The following DAP3 variants were observed in gnomAD, a reference collection of about 807,000 sequenced individuals.
DAP3 encodes small ribosomal subunit protein mS29.
DAP3 carries 28 observed loss-of-function variants against 51.9 expected under a neutral mutation model. The ratio of observed to expected loss-of-function variants is 0.54; its 90% CI spans 0.40 to 0.74. The LOEUF (loss-of-function observed/expected upper bound fraction) is 0.74. Among genes scored for constraint, DAP3 ranks in the 30% least tolerant of loss-of-function variants. DAP3 has a pLI of 0.00. For synonymous variants in DAP3, 170 were observed against 170.3 expected (o/e 1.00, Z 0.01); for missense variants, 458 against 483.5 (o/e 0.95, Z 0.49).
chr1:155,732,646 A>T (rs1488962468), intron 11 of DAP3, among the ~76,000 whole-genome samples: 6 of 152,080 alleles, frequency 3.9e-5, no homozygotes, highest in Non-Finnish European at 8.8e-5. Context: ...ACTTTTACCT[A>T]ATTGGTGGGA....
intron 3 of DAP3, among the ~76,000 whole-genome samples, chr1:155,719,609 C>T (rs1657756258): frequency 6.6e-6 from 1 of 151,790 alleles, no homozygotes; most frequent in Non-Finnish European, 1.5e-5. Flanking sequence ...AGTGCAGTGG[C>T]GTGATCTTGG....
chr1:155,709,580 T>C (rs1656439146), intron 1 of DAP3, among the ~76,000 whole-genome samples, 193 bp from the exon 2 acceptor site: 1 of 152,228 alleles, frequency 6.6e-6, no homozygotes. Context: ...ACTAGCCTTT[T>C]GTGTTTCGTT....
chr1:155,691,192 C>G (rs1653781711), intron 1 of DAP3, among the ~76,000 whole-genome samples: 1 of 142,122 alleles, frequency 7.0e-6, no homozygotes. Flanking sequence ...CAGGCGTGAG[C>G]CACCATGCCC....
intron 1 of DAP3, among the ~76,000 whole-genome samples, chr1:155,708,789 C>T (rs1279605098): frequency 6.6e-6 from 1 of 150,652 alleles, no homozygotes; most frequent in Non-Finnish European, 1.5e-5. Flanking sequence ...ACTGTAAGCT[C>T]CGCCTCCCAG....
chr1:155,736,726 T>G (rs768704072), intron 11 of DAP3: 21 of 517,910 alleles, frequency 4.1e-5, no homozygotes, highest in Non-Finnish European at 6.9e-5. Flanking sequence ...CACCTCTTTT[T>G]AATATATAGC....
chr1:155,709,123 CA>C (rs1329512660), intron 1 of DAP3: 1 of 151,870 alleles, frequency 6.6e-6, no homozygotes, highest in African/African-American at 2.4e-5. Flanking sequence ...GCTGGGATTA[CA>C]GGTATGAGCC....
At chr1:155,724,182 G>A (rs1658310751) in intron 4 of DAP3, among the ~76,000 whole-genome samples, 1 of 151,988 alleles carries the variant, frequency 6.6e-6, no homozygotes, top group Non-Finnish European at 1.5e-5. Flanking sequence ...TCCCACCAAA[G>A]TATTCTGGTA....
chr1:155,704,750 C>A (rs996288373), intron 1 of DAP3, among the ~76,000 whole-genome samples: 5 of 151,926 alleles, frequency 3.3e-5, no homozygotes. Flanking sequence ...GGGGCTGAGG[C>A]GGGAGGATCA....
chr1:155,715,543 AGAG>A (rs1657236712), intron 2 of DAP3, among the ~76,000 whole-genome samples: 1 of 151,312 alleles, frequency 6.6e-6, no homozygotes, highest in African/African-American at 2.4e-5. Context: ...AGAGAGAGAG[AGAG>A]AGAAGCTGCT....
intron 2 of DAP3, among the ~76,000 whole-genome samples, chr1:155,715,873 T>A (rs1352204001): frequency 6.6e-6 from 1 of 152,202 alleles, no homozygotes; most frequent in East Asian, 1.9e-4. Flanking sequence ...AGCTGTGTAT[T>A]TGACATACTC....
At chr1:155,705,836 G>C (rs1211396894) in intron 1 of DAP3, among the ~76,000 whole-genome samples, 1 of 151,888 alleles carries the variant, frequency 6.6e-6, no homozygotes, top group Non-Finnish European at 1.5e-5. Flanking sequence ...GAGTAGCTGG[G>C]AAAACAGACA....
intron 4 of DAP3, among the ~76,000 whole-genome samples, chr1:155,722,382 G>C (rs1288709221): frequency 6.6e-6 from 1 of 151,990 alleles, no homozygotes; most frequent in East Asian, 1.9e-4. Context: ...ACCCCAGCCT[G>C]GGCAACAGAG....
At chr1:155,702,167 A>AAAG (rs1553314749) in intron 1 of DAP3, among the ~76,000 whole-genome samples, 22 of 148,782 alleles carry the variant, frequency 1.5e-4, no homozygotes, top group African/African-American at 5.1e-4. Flanking sequence ...AAAAAAAAAA[A>AAAG]AAAGAAAATT....
chr1:155,702,151 T>TAAAAAAA (rs71080722), intron 1 of DAP3, among the ~76,000 whole-genome samples: 4 of 101,668 alleles, frequency 3.9e-5, no homozygotes, highest in African/African-American at 4.0e-5. Flanking sequence ...ATTCTGCCTA[T>TAAAAAAA]AAAAAAAAAA....
intron 11 of DAP3, among the ~76,000 whole-genome samples, chr1:155,733,960 C>A (rs960959738): frequency 6.6e-6 from 1 of 152,076 alleles, no homozygotes; most frequent in Non-Finnish European, 1.5e-5. Context: ...TTGAGACCAG[C>A]CTGGGCAACA....
At chr1:155,711,459 C>A (rs1330075584) in intron 2 of DAP3, among the ~76,000 whole-genome samples, 1 of 151,976 alleles carries the variant, frequency 6.6e-6, no homozygotes, top group Non-Finnish European at 1.5e-5. Context: ...CGCCACTGCA[C>A]TCTAGCCTGG....
intron 1 of DAP3, among the ~76,000 whole-genome samples, chr1:155,701,507 C>T (rs28515897): frequency 0.22 from 23,154 of 104,196 alleles, 2,989 homozygotes; most frequent in East Asian, 0.67. Flanking sequence ...CATCACCAAT[C>T]CCTAATCTCA....
chr1:155,731,433 C>T lies in DAP3; in HGVS notation c.903+18C>T, dbSNP rs1659237412. On this transcript the variant is annotated intron_variant, in intron 10 of 12. Transcript: ENST00000368336. ...ATGATTGGGTAAGTGCATATGATAC[C>T]TCACACATTTCAGAAAGAAATGTAT... 4 of 1,610,234 alleles carry T rather than the reference C, an allele frequency of 2.5e-6. No individual in the cohort carries two copies. The highest frequency in any genetic ancestry group is 1.1e-5 in the South Asian group (1 of 90,932).
At chr1:155,690,044 G>T (rs1653516821) in intron 1 of DAP3, among the ~76,000 whole-genome samples, 1 of 123,192 alleles carries the variant, frequency 8.1e-6, no homozygotes, top group South Asian at 2.1e-4. Context: ...GGTGTAATGG[G>T]TAGTGTTCTG....
Sources: allele counts gnomAD v4.1 joint callset (sites outside exome capture counted in the v4.1 genomes callset), GRCh38; gene constraint gnomAD v4.1.1; transcripts MANE v1.5; gene names NCBI Gene and HGNC (gene_info 2026-07-23, HGNC 2026-07-21).